The following GRIN2A variants were observed in gnomAD, a reference collection of about 807,000 sequenced individuals.
GRIN2A encodes glutamate ionotropic receptor NMDA type subunit 2A.
GRIN2A carries 22 observed loss-of-function variants against 113.4 expected under a neutral mutation model. The ratio of observed to expected loss-of-function variants is 0.19; its 90% confidence interval spans 0.14 to 0.28. The LOEUF (loss-of-function observed/expected upper bound fraction) is 0.28. Ranked by LOEUF, GRIN2A falls within the 10% of genes least tolerant of loss-of-function variation. The pLI is 1.00. For missense variants in GRIN2A, 1,502 were observed against 1,887.0 expected, an observed-to-expected ratio of 0.80 and a Z score of 3.78; for synonymous variants, 827 against 738.4, an observed-to-expected ratio of 1.12 and a Z score of -1.94.
At chr16:9,961,759 C>T (rs1324512547) in intron 2 of GRIN2A, among the ~76,000 whole-genome samples, 4 of 152,092 alleles carry the variant, frequency 2.6e-5, no homozygotes, top group Non-Finnish European at 4.4e-5. Context: ...ACTTTCTTCA[C>T]AGAATTGGAA....
chr16:9,754,632 C>G lies in GRIN2A; in HGVS notation c.*8517G>C, dbSNP rs1173973946. The G allele has an allele frequency of 9.3e-6, 2 of 214,332 alleles. No homozygotes were observed. Among genetic ancestry groups the G allele is most frequent in the South Asian group, 1.9e-4 (1 of 5,374 alleles). 13.3% of individuals were successfully genotyped at this position (214,332 alleles called of 1,614,324 possible). ...AGAGCTTTTCTACAAACTTAATAAA[C>G]TAAAGATTTAAAAAAATTTAAAAAA... On this transcript the variant is annotated 3_prime_UTR_variant, in exon 13 of 13. Coordinates refer to ENST00000330684, the MANE Select transcript of GRIN2A (RefSeq NM_001134407.3).
chr16:9,897,915 T>C (rs944574585), intron 3 of GRIN2A, among the ~76,000 whole-genome samples: 2 of 152,140 alleles, frequency 1.3e-5, no homozygotes, highest in African/African-American at 4.8e-5. Context: ...GCTGAACATG[T>C]GCAGAATGAA....
intron 2 of GRIN2A, among the ~76,000 whole-genome samples, chr16:10,065,906 T>C (rs2047640073): frequency 6.6e-6 from 1 of 152,198 alleles, no homozygotes; most frequent in African/African-American, 2.4e-5. Flanking sequence ...TGATAGATAC[T>C]GGGTGGAAAC....
At chr16:10,058,686 C>T (rs1272255102) in intron 2 of GRIN2A, among the ~76,000 whole-genome samples, 1 of 152,204 alleles carries the variant, frequency 6.6e-6, no homozygotes, top group Non-Finnish European at 1.5e-5. Context: ...CATCCACAGA[C>T]CCCTTAGGGG....
At chr16:10,036,468 T>C (rs1209982701) in intron 2 of GRIN2A, among the ~76,000 whole-genome samples, 1 of 117,638 alleles carries the variant, frequency 8.5e-6, no homozygotes, top group East Asian at 2.2e-4. Context: ...TTTTTTTTTT[T>C]TTTTTTTTGA....
chr16:9,909,240 T>A (rs1299140182), intron 3 of GRIN2A, among the ~76,000 whole-genome samples: 1 of 152,126 alleles, frequency 6.6e-6, no homozygotes, highest in Non-Finnish European at 1.5e-5. Flanking sequence ...AAGAAAAGCA[T>A]GGGAAAAACC....
At chr16:9,793,106 T>C (rs987202553) in intron 11 of GRIN2A, among the ~76,000 whole-genome samples, 34 of 152,234 alleles carry the variant, frequency 2.2e-4, no homozygotes, top group African/African-American at 7.5e-4. Context: ...ACTTTACTCA[T>C]TGGAGCCTCA....
chr16:9,828,474 G>T (rs943577202), intron 9 of GRIN2A, among the ~76,000 whole-genome samples: 5 of 152,176 alleles, frequency 3.3e-5, no homozygotes, highest in Admixed American at 2.6e-4. Context: ...AATGGCAAAA[G>T]GATATATGTA....
rs2047839346 is a variant in GRIN2A, at chr16:10,074,905, G to GT, written c.414+105092dup. Reference sequence around the variant, plus strand: ...AATTATATCTCAAAAACATTTAAACGTAAGACTAGGTATCACTTATTGACC... The same window carrying GT: ...AATTATATCTCAAAAACATTTAAACGTTAAGACTAGGTATCACTTATTGACC... On this transcript the variant is annotated intron_variant, in intron 2 of 12. Transcript: ENST00000330684. Among the ~76,000 whole-genome samples, 3 of 152,254 alleles carry GT rather than the reference G, an allele frequency of 2.0e-5. No homozygotes were observed. In the South Asian group the frequency reaches 6.2e-4, roughly 32 times the overall value.
chr16:9,900,041 T>G (rs770289573), intron 3 of GRIN2A, among the ~76,000 whole-genome samples: 2 of 152,236 alleles, frequency 1.3e-5, no homozygotes, highest in Non-Finnish European at 2.9e-5. Flanking sequence ...TGACGTCTAA[T>G]GAGATACACA....
chr16:10,072,946 C>CA (rs565877354), intron 2 of GRIN2A, among the ~76,000 whole-genome samples: 2 of 104,230 alleles, frequency 1.9e-5, no homozygotes, highest in Non-Finnish European at 3.7e-5. Context: ...ACAAGACCCC[C>CA]TTTTTTTTTT....
chr16:10,073,062 T>G (rs2047791119), intron 2 of GRIN2A, among the ~76,000 whole-genome samples: 1 of 150,676 alleles, frequency 6.6e-6, no homozygotes, highest in South Asian at 2.1e-4. Flanking sequence ...TTCAAGAGAT[T>G]CCCCTCCCTC....
intron 3 of GRIN2A, among the ~76,000 whole-genome samples, chr16:9,892,372 T>C (rs570968476): frequency 3.5e-4 from 54 of 152,180 alleles, no homozygotes; most frequent in Non-Finnish European, 6.6e-4. Context: ...GGACTACTTA[T>C]GCTATTCTTA....
Position 9,756,232 on chromosome 16 carries a change from A to G in GRIN2A, c.*6917T>C, listed in dbSNP as rs1019271262. The G allele has an allele frequency of 8.8e-6, 2 of 227,560 alleles. No individual in the cohort carries two copies. The highest frequency in any genetic ancestry group is 4.4e-5 in the African/African-American group (2 of 45,058). 14.1% of individuals were successfully genotyped at this position (227,560 alleles called of 1,614,324 possible). ...TGATAAAAAGATGAGACATTAGGAAAGAGATATTTAAGATTAGGCACATGC... is the reference window on the plus strand; with the variant it reads ...TGATAAAAAGATGAGACATTAGGAAGGAGATATTTAAGATTAGGCACATGC... On this transcript the variant is annotated 3_prime_UTR_variant, in exon 13 of 13. Transcript: ENST00000330684.
chr16:9,953,416 G>C (rs958040046), intron 2 of GRIN2A, among the ~76,000 whole-genome samples: 1 of 152,174 alleles, frequency 6.6e-6, no homozygotes, highest in African/African-American at 2.4e-5. Context: ...AGTGAGCAAG[G>C]GTGGAAGTGA....
chr16:9,859,206 T>TCTGCCTTTGCACACACAC, intron 4 of GRIN2A, among the ~76,000 whole-genome samples: 1 of 150,442 alleles, frequency 6.6e-6, no homozygotes, highest in East Asian at 2.0e-4. Context: ...CACACACACA[T>TCTGCCTTTGCACACACAC]CTGCCTTTGC....
At chr16:10,072,565 C>A (rs2142034262) in intron 2 of GRIN2A, among the ~76,000 whole-genome samples, 1 of 152,200 alleles carries the variant, frequency 6.6e-6, no homozygotes, top group East Asian at 1.9e-4. Flanking sequence ...TTATAGTATG[C>A]AGTCAAGTTT....
At chr16:9,816,452 C>G (rs1456619555) in intron 10 of GRIN2A, among the ~76,000 whole-genome samples, 1 of 152,132 alleles carries the variant, frequency 6.6e-6, no homozygotes, top group African/African-American at 2.4e-5. Context: ...GAAATTGGGA[C>G]TTTTCCATAA....
chr16:10,134,763 G>T (rs906534964), intron 2 of GRIN2A, among the ~76,000 whole-genome samples: 2 of 151,976 alleles, frequency 1.3e-5, no homozygotes, highest in African/African-American at 2.4e-5. Context: ...TATGTCATGG[G>T]GATTCACTCC....
Sources: gnomAD v4.1 joint callset for allele counts (sites outside exome capture counted in the v4.1 genomes callset) on GRCh38, gnomAD v4.1.1 for gene constraint, MANE v1.5 for transcripts, NCBI Gene and HGNC (gene_info 2026-07-23, HGNC 2026-07-21) for gene names.